Variants in LRP8 observed in about 807,000 individuals in gnomAD.
The protein encoded by LRP8 is LDL receptor related protein 8, also known as low-density lipoprotein receptor-related protein 8.
In LRP8, 46 loss-of-function variants were observed where a neutral mutation model predicts 111.6. The ratio of observed to expected loss-of-function variants is 0.41; its 90% CI spans 0.33 to 0.53. The LOEUF (loss-of-function observed/expected upper bound fraction) is 0.53, where lower values mean the gene tolerates loss of function less well. Among genes scored for constraint, LRP8 ranks in the 20% least tolerant of loss-of-function variants. The probability of loss-of-function intolerance (pLI) is 0.20; values close to 1 mark genes in which losing one functional copy is unlikely to be tolerated. For synonymous variants in LRP8, 464 were observed against 511.2 expected, an observed-to-expected ratio of 0.91 and a Z score of 1.24; for missense variants, 959 against 1,297.4, an observed-to-expected ratio of 0.74 and a Z score of 4.01.
Position 53,267,538 on chromosome 1 carries a change from T to C in LRP8, c.1253-891A>G, listed in dbSNP as rs1646617705. 5 of 152,094 alleles carry C rather than the reference T, an allele frequency of 3.3e-5. No homozygotes were observed. In the South Asian group the frequency reaches 1.0e-3, roughly 32 times the overall value. 9.4% of individuals were successfully genotyped at this position (152,094 alleles called of 1,614,324 possible). ...ATAGCAAGAGATGAGCTTCAGAGAT[T>C]GGCAGGGGCCAGATCACAAAAGGTC... is the stretch of plus-strand genomic sequence containing the variant. On this transcript the variant is annotated intron_variant, in intron 8 of 18. Coordinates refer to ENST00000306052, the MANE Select transcript of LRP8 (RefSeq NM_004631.5).
intron 2 of LRP8, among the ~76,000 whole-genome samples, chr1:53,312,993 C>G (rs1162669320): frequency 6.6e-6 from 1 of 152,168 alleles, no homozygotes; most frequent in Non-Finnish European, 1.5e-5. Flanking sequence ...AAGCTTGGAC[C>G]AGTGTTCCAG....
chr1:53,286,070 G>A (rs747115372), intron 3 of LRP8, among the ~76,000 whole-genome samples: 12 of 152,198 alleles, frequency 7.9e-5, no homozygotes, highest in East Asian at 1.9e-4. Flanking sequence ...AGTACTTGGC[G>A]GCTGCCCATT....
At chr1:53,290,893 A>G (rs1206347118) in intron 2 of LRP8, among the ~76,000 whole-genome samples, 1 of 152,082 alleles carries the variant, frequency 6.6e-6, no homozygotes, top group East Asian at 1.9e-4. Context: ...TCCACCCCTG[A>G]CATCCTGCAC....
At chr1:53,260,007 A>G (rs1306037029) in intron 13 of LRP8, among the ~76,000 whole-genome samples, 8 of 152,196 alleles carry the variant, frequency 5.3e-5, no homozygotes, top group Non-Finnish European at 1.5e-5. Flanking sequence ...TTCCCAACCA[A>G]TAAGCTGACT....
intron 2 of LRP8, among the ~76,000 whole-genome samples, chr1:53,291,031 G>C (rs1043460453): frequency 6.6e-6 from 1 of 152,198 alleles, no homozygotes; most frequent in African/African-American, 2.4e-5. Flanking sequence ...AGGTGAGGAA[G>C]AGAGCACTGG....
intron 2 of LRP8, among the ~76,000 whole-genome samples, chr1:53,320,741 C>G (rs1486110487): frequency 6.6e-6 from 1 of 152,354 alleles, no homozygotes; most frequent in Non-Finnish European, 1.5e-5. Flanking sequence ...CCCAGTCCCA[C>G]TCCCCAGGTC....
Position 53,250,868 on chromosome 1 carries a change from G to A in LRP8, c.2504-6C>T. On this transcript the variant is annotated splice_polypyrimidine_tract_variant and splice_region_variant and intron_variant, in intron 16 of 18. Coordinates refer to ENST00000306052, the MANE Select transcript of LRP8 (RefSeq NM_004631.5). This position sits in a 1 kb window ranked among gnomAD's most constrained non-coding sequence, Gnocchi z 4.6. ...GCACAGGAGGGCTATCACCACTGGA[G>A]GAAGGACACAGGACACTGGACCTCC... The A allele has an allele frequency of 6.2e-7, 1 of 1,613,996 alleles. No individual in the cohort carries two copies. The highest frequency in any genetic ancestry group is 8.5e-7 in the Non-Finnish European group (1 of 1,179,954).
Position 53,249,507 on chromosome 1 carries a change from T to C in LRP8, c.2726A>G (p.Glu909Gly), listed in dbSNP as rs1645829364. The C allele has an allele frequency of 6.2e-7, 1 of 1,613,124 alleles. No homozygotes were observed. The highest frequency in any genetic ancestry group is 1.1e-5 in the South Asian group (1 of 91,012). The change falls in exon 18 of 19, where the codon GAG (glutamate) becomes GGG (glycine). Residue 909 changes from glutamate (E) to glycine (G), a missense_variant. Physicochemically the swap from Glu to Gly is moderately conservative, Grantham distance 98. Transcript: ENST00000306052. This position sits in a 1 kb window ranked among gnomAD's most constrained non-coding sequence, Gnocchi z 4.1. The stretch of plus-strand genomic sequence containing the variant: ...GGCTGGGTCTTCCGGTTCTCTGGTC[T>C]CCCCAAGACAGGGCTCTGCCCACAG... ...RPLWAEPCLG[E>G]TREPEDPAPA...
rs1393250787 is a variant in LRP8, at chr1:53,249,008, A to G, written c.2853+372T>C. Among the ~76,000 whole-genome samples, 7 of 152,230 alleles carry G rather than the reference A, an allele frequency of 4.6e-5. No homozygotes were observed. The highest frequency in any genetic ancestry group is 1.0e-4 in the Non-Finnish European group (7 of 68,032). On this transcript the variant is annotated intron_variant, in intron 18 of 18. Transcript: ENST00000306052. This position sits in a 1 kb window ranked among gnomAD's most constrained non-coding sequence, Gnocchi z 4.1. ...CTGGGAGTTTTCTTATTCCAAGTTC[A>G]GTGCTTCTTCCACTGTGCTCCCTCT...
chr1:53,247,383 C>T (rs1645759588), intron 18 of LRP8, among the ~76,000 whole-genome samples: 1 of 152,130 alleles, frequency 6.6e-6, no homozygotes, highest in African/African-American at 2.4e-5. Flanking sequence ...TTTTCTTAAT[C>T]CTCCCTTATA....
chr1:53,261,998 T>G lies in LRP8; in HGVS notation c.1914+70A>C, dbSNP rs573715735. On this transcript the variant is annotated intron_variant, in intron 12 of 18. Coordinates refer to ENST00000306052, the MANE Select transcript of LRP8 (RefSeq NM_004631.5). Reference sequence around the variant, plus strand: ...CATTTGAACAAGTCTCAGGGACTCATCCTATTTGAACAAGCATTTTCTAGG... The same window carrying G: ...CATTTGAACAAGTCTCAGGGACTCAGCCTATTTGAACAAGCATTTTCTAGG... The G allele has an allele frequency of 1.2e-5, 19 of 1,559,016 alleles. 1 individual carries two copies. In the South Asian group the frequency reaches 2.2e-4, roughly 18 times the overall value.
At chr1:53,310,556 C>T (rs1375617915) in intron 2 of LRP8, among the ~76,000 whole-genome samples, 1 of 152,094 alleles carries the variant, frequency 6.6e-6, no homozygotes, top group Non-Finnish European at 1.5e-5. Context: ...GCAGTGGAGA[C>T]CCAGCCGTGC....
chr1:53,275,539 G>A lies in LRP8; in HGVS notation c.1006+92C>T. On this transcript the variant is annotated intron_variant, in intron 6 of 18. Coordinates refer to ENST00000306052, the MANE Select transcript of LRP8 (RefSeq NM_004631.5). The surrounding 1 kb of genome is among the most constrained non-coding windows in gnomAD (Gnocchi z 4.4). ...GGGGAAAATGCATCTTGGGGACCAAGGGGAAACTCCTCCCAACTCTGCCCT... is the reference window on the plus strand; with the variant it reads ...GGGGAAAATGCATCTTGGGGACCAAAGGGAAACTCCTCCCAACTCTGCCCT... The A allele has an allele frequency of 6.5e-7, 1 of 1,527,114 alleles. No homozygotes were observed. Among genetic ancestry groups the A allele is most frequent in the East Asian group, 2.3e-5 (1 of 43,748 alleles). The allele number at this position is 1,527,114 out of a possible 1,614,324, so 94.6% of individuals were successfully genotyped here. A position where few individuals can be genotyped will look rare whatever the true frequency, so the allele number is the denominator to read the frequency against.
chr1:53,259,433 A>G (rs1262447584), intron 13 of LRP8, among the ~76,000 whole-genome samples: 1 of 151,856 alleles, frequency 6.6e-6, no homozygotes, highest in Non-Finnish European at 1.5e-5. Flanking sequence ...TTTATTGGGT[A>G]CTTTCCAGCA....
intron 3 of LRP8, among the ~76,000 whole-genome samples, chr1:53,285,642 C>T (rs915243913): frequency 6.6e-6 from 1 of 152,144 alleles, no homozygotes; most frequent in Non-Finnish European, 1.5e-5. Context: ...AAACACTTGC[C>T]CTTGTTTTAT....
chr1:53,325,382 A>G (rs931132238), intron 2 of LRP8, among the ~76,000 whole-genome samples: 2 of 152,242 alleles, frequency 1.3e-5, no homozygotes, highest in African/African-American at 4.8e-5. Flanking sequence ...AGGAGTTTAT[A>G]CAAGATAAGT....
At position 53,275,732 on chromosome 1, in the gene LRP8, T is replaced by C; in HGVS notation, c.905A>G (p.Asp302Gly). Reference sequence around the variant, plus strand: ...TGTCCCATCCCCACACTGGAACTCGTCCCCACGGCAGGTGCCCAGTGCTGC... The same window carrying C: ...TGTCCCATCCCCACACTGGAACTCGCCCCCACGGCAGGTGCCCAGTGCTGC... ...ADCPLGTCRG[D>G]EFQCGDGTCV... Residue 302 changes from aspartate (D) to glycine (G), a missense_variant, in exon 6 of 19, where the codon GAC (aspartate) becomes GGC (glycine). By Grantham distance (94) the Asp-to-Gly change is moderately conservative. Around this residue, in one of 3 missense-constraint regions of LRP8, gnomAD observed 819 missense variants for 1,097.6 expected, o/e 0.75. Transcript: ENST00000306052. This position sits in a 1 kb window ranked among gnomAD's most constrained non-coding sequence, Gnocchi z 4.4. 6.2e-7 allele frequency: 1 copy of C among 1,613,976 alleles called. No individual in the cohort carries two copies.
At position 53,272,739 on chromosome 1, in the gene LRP8, CTGAG is replaced by C. The variant is rs1288745969; in HGVS notation, c.1007-1397_1007-1394del. 6 of 1,133,860 alleles carry C rather than the reference CTGAG, an allele frequency of 5.3e-6. No homozygotes were observed. In the African/African-American group the frequency reaches 9.5e-5, roughly 18 times the overall value. The allele number at this position is 1,133,860 out of a possible 1,614,324, so 70.2% of individuals were successfully genotyped here. On this transcript the variant is annotated intron_variant, in intron 6 of 18. Transcript: ENST00000306052. ...GAAGCCTCAGACCCTTGGAGGTGGG[CTGAG>C]CCACGGCAGCTCCCACCTCTAGGAA...
chr1:53,262,711 A>C lies in LRP8; in HGVS notation c.1656-147T>G. ...CCTCTAAAGTTCTTTTGAACCATCA[A>C]ATCTTAGATTTAGCAGGCACTTTAG... On this transcript the variant is annotated intron_variant, in intron 10 of 18. Transcript: ENST00000306052. This position sits in a 1 kb window ranked among gnomAD's most constrained non-coding sequence, Gnocchi z 4.8. The C allele has an allele frequency of 1.4e-6, 1 of 691,662 alleles. No homozygotes were observed. The highest frequency in any genetic ancestry group is 2.6e-6 in the Non-Finnish European group (1 of 388,954). The allele number at this position is 691,662 out of a possible 1,614,324, so 42.8% of individuals were successfully genotyped here.
Sources: gnomAD v4.1 joint callset for allele counts (sites outside exome capture counted in the v4.1 genomes callset) on GRCh38, gnomAD v4.1.1 for gene constraint, gnomAD v4.1.1 regional missense constraint, Gnocchi (gnomAD v3.1) non-coding constraint, MANE v1.5 for transcripts, NCBI Gene and HGNC (gene_info 2026-07-23, HGNC 2026-07-21) for gene names.